PKHD1L1: variants seen among roughly 807,000 people sequenced by gnomAD.
The protein encoded by PKHD1L1 is PKHD1 like 1.
A neutral mutation model predicts 462.9 loss-of-function variants in PKHD1L1; 434 were observed. The ratio of observed to expected loss-of-function variants is 0.94; its 90% CI spans 0.87 to 1.02. The LOEUF is 1.02. Ranked by LOEUF, PKHD1L1 falls within the 50% of genes least tolerant of loss-of-function variation. The pLI is 0.00. For missense variants in PKHD1L1, 5,202 were observed against 5,096.1 expected, an observed-to-expected ratio of 1.02 and a Z score of -0.63; for synonymous variants, 1,781 against 1,750.0, an observed-to-expected ratio of 1.02 and a Z score of -0.44.
intron 3 of PKHD1L1, 22 bp from the exon 4 acceptor site, chr8:109,382,441 A>T (rs761067795): frequency 6.4e-7 from 1 of 1,572,926 alleles, no homozygotes; most frequent in Non-Finnish European, 8.7e-7. Context: ...CATGTCTCAT[A>T]TATTCTTCAT....
chr8:109,480,921 C>T (rs1273224693), intron 55 of PKHD1L1, among the ~76,000 whole-genome samples: 1 of 151,728 alleles, frequency 6.6e-6, no homozygotes, highest in African/African-American at 2.4e-5. Context: ...ACCTCTTTCA[C>T]CATTAGTTTT....
Position 109,491,913 on chromosome 8 carries a change from TTTGA to T in PKHD1L1, c.10159_10162del (p.Ile3387HisfsTer15). The T allele has an allele frequency of 4.4e-6, 7 of 1,604,970 alleles. No individual in the cohort carries two copies. The highest frequency in any genetic ancestry group is 6.0e-6 in the Non-Finnish European group (7 of 1,173,448). On this transcript the variant is annotated frameshift_variant, in exon 62 of 78. Transcript: ENST00000378402. LOFTEE classifies it high-confidence loss of function. The stretch of plus-strand genomic sequence containing the variant: ...GGAATGCCAACCGAGTCCGAGGGAA[TTTGA>T]TTGCACTTTCGGTTTGGCCAGGAAC...
Position 109,491,902 on chromosome 8 carries a change from G to A in PKHD1L1, c.10144G>A (p.Val3382Ile), listed in dbSNP as rs1455305004. Residue 3382 changes from valine to isoleucine, a missense_variant, in exon 62 of 78, where the codon GTC (valine) becomes ATC (isoleucine). This residue lies in a region of PKHD1L1 where 4,497 missense variants were observed against 4,336.8 expected (regional missense o/e 1.04). Transcript: ENST00000378402. ...GIRIWGNANRVRGNLIALSVW... is the reference protein window; with the variant it reads ...GIRIWGNANRIRGNLIALSVW... ...AAGAATATGGGGGAATGCCAACCGA[G>A]TCCGAGGGAATTTGATTGCACTTTC... is the stretch of plus-strand genomic sequence containing the variant. The A allele has an allele frequency of 6.2e-7, 1 of 1,604,458 alleles. No individual in the cohort carries two copies. Among genetic ancestry groups the A allele is most frequent in the Non-Finnish European group, 8.5e-7 (1 of 1,173,198 alleles).
rs764628541 is a variant in PKHD1L1, at chr8:109,498,707, A to G, written c.10764A>G (p.Ala3588=). The part of the protein sequence containing the change: ...WPTFASAHNM[A]PRKPHAGIMS... ...CCTTTGCTTCAGCTCATAACATGGC[A>G]CCCCGAAAGCCCCATGCAGGAATCA... The change falls in exon 67 of 78, where the codon GCA becomes GCG. Residue 3588 remains alanine, a synonymous_variant. Transcript: ENST00000378402. 3.1e-6 allele frequency: 5 copies of G among 1,613,986 alleles called. No homozygotes were observed. Among genetic ancestry groups the G allele is most frequent in the Non-Finnish European group, 4.2e-6 (5 of 1,179,886 alleles).
At chr8:109,386,846 A>G (rs1392574620) in intron 6 of PKHD1L1, among the ~76,000 whole-genome samples, 1 of 152,086 alleles carries the variant, frequency 6.6e-6, no homozygotes. Flanking sequence ...TTTTTCCCCC[A>G]CTGAAACTGG....
At chr8:109,405,746 G>A (rs1213384761) in intron 16 of PKHD1L1, among the ~76,000 whole-genome samples, 1 of 152,058 alleles carries the variant, frequency 6.6e-6, no homozygotes, top group African/African-American at 2.4e-5. Flanking sequence ...TGCATACTGG[G>A]CTTAATACCT....
At chr8:109,469,356 C>T (rs1817604689) in intron 50 of PKHD1L1, among the ~76,000 whole-genome samples, 1 of 152,138 alleles carries the variant, frequency 6.6e-6, no homozygotes, top group South Asian at 2.1e-4. Context: ...AGAAGGCTGC[C>T]TGAAAGAAGC....
Position 109,390,506 on chromosome 8 carries a change from T to C in PKHD1L1, c.740+12T>C. On this transcript the variant is annotated intron_variant, in intron 9 of 77. Coordinates refer to ENST00000378402, the MANE Select transcript of PKHD1L1 (RefSeq NM_177531.6). ...AATGATTATGGAAGGTAGGCTATTTTGTAAATAATAACTTTTATAATTGAT... is the reference window on the plus strand; with the variant it reads ...AATGATTATGGAAGGTAGGCTATTTCGTAAATAATAACTTTTATAATTGAT... 7.2e-7 allele frequency: 1 copy of C among 1,393,420 alleles called. No homozygotes were observed. The highest frequency in any genetic ancestry group is 1.5e-5 in the African/African-American group (1 of 68,916). 86.3% of individuals were successfully genotyped at this position (1,393,420 alleles called of 1,614,324 possible).
At position 109,394,437 on chromosome 8, in the gene PKHD1L1, T is replaced by C. The variant is rs1812865411; in HGVS notation, c.763T>C (p.Tyr255His). 7 of 1,525,778 alleles carry C rather than the reference T, an allele frequency of 4.6e-6. No individual in the cohort carries two copies. Among genetic ancestry groups the C allele is most frequent in the Non-Finnish European group, 6.2e-6 (7 of 1,131,546 alleles). 94.5% of individuals were successfully genotyped at this position (1,525,778 alleles called of 1,614,324 possible). A position where few individuals can be genotyped will look rare whatever the true frequency, so the allele number is the denominator to read the frequency against. The stretch of plus-strand genomic sequence containing the variant: ...CAGGAGTTTTCCACAGAAAATGGCA[T>C]ATTTTGTTTCTTCTCTCAATAAAAT... ...YGRSFPQKMA[Y>H]FVSSLNKIAM... The change falls in exon 10 of 78, where the codon TAT becomes CAT. Residue 255 changes from tyrosine to histidine, a missense_variant. Around this residue, in one of 3 missense-constraint regions of PKHD1L1, gnomAD observed 4,497 missense variants for 4,336.8 expected, o/e 1.04. Coordinates refer to ENST00000378402, the MANE Select transcript of PKHD1L1 (RefSeq NM_177531.6).
At position 109,370,197 on chromosome 8, in the gene PKHD1L1, C is replaced by A. The variant is rs576588060; in HGVS notation, c.163+5561C>A. 4.6e-5 allele frequency among the ~76,000 whole-genome samples: 7 copies of A among 152,276 alleles called. No individual in the cohort carries two copies. In the South Asian group the frequency reaches 1.0e-3, roughly 23 times the overall value. ...GCAATGGCGTGATCTTGGCTCACTGCAACCTCTGTCTCCCAGGTTCAAGTG... is the reference window on the plus strand; with the variant it reads ...GCAATGGCGTGATCTTGGCTCACTGAAACCTCTGTCTCCCAGGTTCAAGTG... On this transcript the variant is annotated intron_variant, in intron 2 of 77. Transcript: ENST00000378402.
intron 21 of PKHD1L1, among the ~76,000 whole-genome samples, chr8:109,414,455 C>A (rs1428632251): frequency 6.6e-6 from 1 of 151,926 alleles, no homozygotes; most frequent in Non-Finnish European, 1.5e-5. Context: ...TAAAAATAAC[C>A]ATGGTGGGAT....
At position 109,410,026 on chromosome 8, in the gene PKHD1L1, A is replaced by G. The variant is rs556637250; in HGVS notation, c.2085+48A>G. 8.7e-6 allele frequency: 9 copies of G among 1,036,342 alleles called. No homozygotes were observed. The South Asian group carries it at 1.0e-4, about 12-fold the overall frequency. The allele number at this position is 1,036,342 out of a possible 1,614,324, so 64.2% of individuals were successfully genotyped here. On this transcript the variant is annotated intron_variant, in intron 19 of 77. Coordinates refer to ENST00000378402, the MANE Select transcript of PKHD1L1 (RefSeq NM_177531.6). The stretch of plus-strand genomic sequence containing the variant: ...TGAAACTGACCTAATAAGAATTTAT[A>G]TAATGGTTTTAAATTTTATAATTTC...
rs79612879 is a variant in PKHD1L1, at chr8:109,519,718, A to G, written c.12031+1210A>G. Among the ~76,000 whole-genome samples, 1,467 of 152,194 alleles carry G rather than the reference A, an allele frequency of 9.6e-3. 16 individuals carry two copies. The highest frequency in any genetic ancestry group is 0.03 in the African/African-American group (1,245 of 41,530). ...GTCCTGGGAGGGGCTTTCACTTTCA[A>G]TACCTTAGGAGAGGTCCTCATAATG... On this transcript the variant is annotated intron_variant, in intron 73 of 77. Coordinates refer to ENST00000378402, the MANE Select transcript of PKHD1L1 (RefSeq NM_177531.6).
intron 20 of PKHD1L1, 145 bp downstream of exon 20, chr8:109,412,559 C>A: frequency 1.3e-6 from 1 of 778,052 alleles, no homozygotes; most frequent in South Asian, 2.3e-5. Flanking sequence ...ATTCTGGGTG[C>A]TTGTGGTTTC....
At chr8:109,374,481 G>C (rs1586375592) in intron 2 of PKHD1L1, among the ~76,000 whole-genome samples, 1 of 152,152 alleles carries the variant, frequency 6.6e-6, no homozygotes, top group Non-Finnish European at 1.5e-5. Flanking sequence ...CTTTTAATTG[G>C]AGCATTTAGC....
intron 65 of PKHD1L1, among the ~76,000 whole-genome samples, chr8:109,497,732 C>T (rs191043166): frequency 6.8e-4 from 104 of 152,086 alleles, no homozygotes; most frequent in African/African-American, 2.0e-3. Flanking sequence ...AACAAAAAAG[C>T]TGTTCATTCT....
At position 109,491,809 on chromosome 8, in the gene PKHD1L1, T is replaced by C. The variant is rs1018188591; in HGVS notation, c.10115-64T>C. 7.8e-6 allele frequency: 11 copies of C among 1,411,566 alleles called. No individual in the cohort carries two copies. The African/African-American group carries it at 1.4e-4, about 19-fold the overall frequency. The allele number at this position is 1,411,566 out of a possible 1,614,324, so 87.4% of individuals were successfully genotyped here. ...AAAAATCAAAAGACATTACTCCTAA[T>C]AGTCGTTGCAAATTGACTTATGTTT... is the stretch of plus-strand genomic sequence containing the variant. On this transcript the variant is annotated intron_variant, in intron 61 of 77. Transcript: ENST00000378402.
At chr8:109,377,990 T>A (rs920662835) in intron 2 of PKHD1L1, among the ~76,000 whole-genome samples, 4 of 152,324 alleles carry the variant, frequency 2.6e-5, no homozygotes, top group Non-Finnish European at 5.9e-5. Flanking sequence ...TACCCTTTTG[T>A]CTCTTTCTGT....
chr8:109,371,043 C>G (rs980176089), intron 2 of PKHD1L1, among the ~76,000 whole-genome samples: 2 of 151,676 alleles, frequency 1.3e-5, no homozygotes, highest in Non-Finnish European at 3.0e-5. Context: ...ATGGCTGGAT[C>G]AAATTTCTAG....
Sources: allele counts gnomAD v4.1 joint callset (sites outside exome capture counted in the v4.1 genomes callset), GRCh38; gene constraint gnomAD v4.1.1; regional missense constraint gnomAD v4.1.1; transcripts MANE v1.5; gene names NCBI Gene and HGNC (gene_info 2026-07-23, HGNC 2026-07-21).